SLC4A4: variants seen among roughly 807,000 people sequenced by gnomAD.
SLC4A4 encodes electrogenic sodium bicarbonate cotransporter 1.
Under a neutral mutation model 111.5 loss-of-function variants are expected in SLC4A4, and 27 were observed. The observed-to-expected ratio is 0.24, with a 90% CI of 0.18 to 0.33. The LOEUF is 0.33. SLC4A4 is among the 10% of genes least tolerant of loss of function. The pLI is 1.00. For synonymous variants in SLC4A4, 443 were observed against 463.4 expected (o/e 0.96, Z 0.57); for missense variants, 909 against 1,315.5 (o/e 0.69, Z 4.78).
chr4:71,080,357 C>T (rs938466710), intron 1 of SLC4A4, among the ~76,000 whole-genome samples: 10 of 152,000 alleles, frequency 6.6e-5, no homozygotes, highest in East Asian at 1.9e-4. Context: ...TGATGGGACC[C>T]CTTAAGCCAG....
At chr4:71,454,704 T>C (rs910865079) in intron 12 of SLC4A4, among the ~76,000 whole-genome samples, 1 of 152,212 alleles carries the variant, frequency 6.6e-6, no homozygotes, top group Non-Finnish European at 1.5e-5. Context: ...GGAGAAATTA[T>C]ACAATTGTAT....
At chr4:71,534,117 C>T (rs1388341364) in intron 17 of SLC4A4, 110 bp from the exon 18 acceptor site, 3 of 863,284 alleles carry the variant, frequency 3.5e-6, no homozygotes, top group Non-Finnish European at 5.8e-6. Context: ...TTATATTTCT[C>T]AATATGTTGG....
intron 2 of SLC4A4, among the ~76,000 whole-genome samples, chr4:71,134,274 G>A (rs1743786561): frequency 6.6e-6 from 1 of 152,160 alleles, no homozygotes; most frequent in Non-Finnish European, 1.5e-5. Context: ...AGATTCCTGG[G>A]CCAGGGGTAT....
At chr4:71,509,497 A>G (rs1048994547) in intron 16 of SLC4A4, among the ~76,000 whole-genome samples, 9 of 151,974 alleles carry the variant, frequency 5.9e-5, no homozygotes, top group South Asian at 2.1e-4. Context: ...CATGGTTGCC[A>G]TACATTTTCT....
intron 12 of SLC4A4, among the ~76,000 whole-genome samples, chr4:71,458,443 G>A (rs758537635): frequency 3.9e-5 from 6 of 152,058 alleles, no homozygotes; most frequent in Non-Finnish European, 7.4e-5. Flanking sequence ...AGTGAAGACT[G>A]AGTGAAGAAA....
chr4:71,504,151 C>T (rs753116431), intron 16 of SLC4A4, among the ~76,000 whole-genome samples: 1 of 152,094 alleles, frequency 6.6e-6, no homozygotes, highest in Non-Finnish European at 1.5e-5. Flanking sequence ...GTTTAGGGTT[C>T]AGTCCAGTTG....
intron 19 of SLC4A4, 108 bp downstream of exon 19, chr4:71,546,636 T>A: frequency 1.1e-6 from 1 of 946,410 alleles, no homozygotes; most frequent in Non-Finnish European, 1.6e-6. Context: ...TTGTGATGAT[T>A]AATTTATTCC....
intron 6 of SLC4A4, among the ~76,000 whole-genome samples, chr4:71,382,521 G>A (rs1206605301): frequency 1.3e-5 from 2 of 152,084 alleles, no homozygotes; most frequent in Non-Finnish European, 2.9e-5. Context: ...GCTTTTTCTT[G>A]GTCTGTGCAA....
chr4:71,451,977 A>T (rs1725802936), intron 11 of SLC4A4, among the ~76,000 whole-genome samples: 1 of 152,182 alleles, frequency 6.6e-6, no homozygotes, highest in South Asian at 2.1e-4. Flanking sequence ...GCTTCAGCTA[A>T]TTTCTTTCCA....
chr4:71,323,943 T>G (rs1477849519), intron 3 of SLC4A4, among the ~76,000 whole-genome samples: 3 of 151,948 alleles, frequency 2.0e-5, no homozygotes, highest in Non-Finnish European at 4.4e-5. Flanking sequence ...ATTGAGAGTT[T>G]CATGCTTGAC....
At chr4:71,313,086 G>T (rs1726342338) in intron 3 of SLC4A4, among the ~76,000 whole-genome samples, 1 of 152,126 alleles carries the variant, frequency 6.6e-6, no homozygotes, top group Non-Finnish European at 1.5e-5. Context: ...AAAGTCTCAG[G>T]ATACAAAATC....
At chr4:71,496,510 G>A (rs780170777) in intron 15 of SLC4A4, among the ~76,000 whole-genome samples, 12 of 151,992 alleles carry the variant, frequency 7.9e-5, no homozygotes, top group African/African-American at 2.7e-4. Context: ...TTTAGACCCC[G>A]GTTAGTATTG....
chr4:71,153,048 TATATAA>T (rs1321735380), intron 2 of SLC4A4, among the ~76,000 whole-genome samples: 3 of 142,534 alleles, frequency 2.1e-5, no homozygotes, highest in African/African-American at 8.4e-5. Flanking sequence ...TATATATATA[TATATAA>T]AAATAAAAGG....
At chr4:71,140,592 G>C (rs1035357711) in intron 2 of SLC4A4, among the ~76,000 whole-genome samples, 1 of 151,938 alleles carries the variant, frequency 6.6e-6, no homozygotes, top group Admixed American at 6.6e-5. Flanking sequence ...AAGCTGCTCT[G>C]CCCCAACCCC....
At chr4:71,084,770 T>C (rs1578462637) in intron 1 of SLC4A4, among the ~76,000 whole-genome samples, 3 of 152,098 alleles carry the variant, frequency 2.0e-5, no homozygotes, top group Admixed American at 1.3e-4. Context: ...TTCCATGGTG[T>C]ATATGTGCCA....
chr4:71,282,990 G>T (rs1464577863), intron 3 of SLC4A4, among the ~76,000 whole-genome samples: 1 of 152,148 alleles, frequency 6.6e-6, no homozygotes, highest in Non-Finnish European at 1.5e-5. Flanking sequence ...TGAGAGCTGA[G>T]GTCTGAAAAT....
chr4:71,353,756 A>G (rs1008007603), intron 5 of SLC4A4, among the ~76,000 whole-genome samples: 4 of 152,206 alleles, frequency 2.6e-5, no homozygotes, highest in Non-Finnish European at 4.4e-5. Context: ...AGAAAAAGAA[A>G]TAATAGCAAG....
intron 1 of SLC4A4, among the ~76,000 whole-genome samples, chr4:71,210,518 A>G (rs1578600602): frequency 6.6e-6 from 1 of 152,186 alleles, no homozygotes. Flanking sequence ...TTTTTCAGGA[A>G]ACATTTTCTT....
intron 7 of SLC4A4, among the ~76,000 whole-genome samples, chr4:71,431,595 TAC>T (rs1723649610): frequency 1.3e-5 from 2 of 152,180 alleles, no homozygotes; most frequent in African/African-American, 2.4e-5. Flanking sequence ...TTTCTAGTGC[TAC>T]AGAGTCCATT....
Sources: allele counts gnomAD v4.1 joint callset (sites outside exome capture counted in the v4.1 genomes callset), GRCh38; gene constraint gnomAD v4.1.1; transcripts MANE v1.5; gene names NCBI Gene and HGNC (gene_info 2026-07-23, HGNC 2026-07-21).